The following GALNT13 variants were observed in gnomAD, a reference collection of about 807,000 sequenced individuals.
GALNT13 encodes UDP-GalNAc:polypeptide N-acetylgalactosaminyltransferase 13.
Under a neutral mutation model 64.2 loss-of-function variants are expected in GALNT13, and 28 were observed. That is an observed-to-expected ratio of 0.44 (90% CI 0.32 to 0.60). The LOEUF (loss-of-function observed/expected upper bound fraction) is 0.60, where lower values mean the gene tolerates loss of function less well. GALNT13 is among the 20% of genes least tolerant of loss of function. GALNT13 has a pLI of 0.05. For synonymous variants in GALNT13, 214 were observed against 224.6 expected, an observed-to-expected ratio of 0.95 and a Z score of 0.42; for missense variants, 577 against 669.8, an observed-to-expected ratio of 0.86 and a Z score of 1.53.
At chr2:153,226,125 G>C in the GALNT13 span, among the ~76,000 whole-genome samples, 1 of 151,814 alleles carries the variant, frequency 6.6e-6, no homozygotes, top group Non-Finnish European at 1.5e-5. Context: ...GTAGAGATGG[G>C]GTTTCACCAT....
chr2:153,869,770 TCCTTGAAATATGGCATTATAGTTTCTC>T (rs1203620958), upstream of GALNT13, among the ~76,000 whole-genome samples: 1 of 152,154 alleles, frequency 6.6e-6, no homozygotes, highest in Non-Finnish European at 1.5e-5. Flanking sequence ...GTATGCATTC[TCCTTGAAATATGGCATTATAGTTTCTC>T]CCATCAAGAC....
chr2:153,573,242 C>G, the GALNT13 span, among the ~76,000 whole-genome samples: 14 of 151,834 alleles, frequency 9.2e-5, no homozygotes, highest in Non-Finnish European at 1.9e-4. Flanking sequence ...ACTAATTTGT[C>G]TTATATAAGT....
chr2:153,480,394 G>A, the GALNT13 span, among the ~76,000 whole-genome samples: 4 of 152,088 alleles, frequency 2.6e-5, no homozygotes, highest in African/African-American at 7.2e-5. Context: ...GCTGCAATAA[G>A]TTTGATTTTT....
the GALNT13 span, among the ~76,000 whole-genome samples, chr2:153,212,839 C>A: frequency 6.6e-6 from 1 of 152,114 alleles, no homozygotes; most frequent in Admixed American, 6.5e-5. Context: ...AGAAATTACT[C>A]TTTGGCATTG....
At chr2:153,873,021 C>T (rs555792410) in intron 1 of GALNT13, among the ~76,000 whole-genome samples, 1 of 152,242 alleles carries the variant, frequency 6.6e-6, no homozygotes, top group African/African-American at 2.4e-5. Flanking sequence ...CCTTTTGTCT[C>T]TCCGTTTTGC....
At chr2:153,187,735 A>T in the GALNT13 span, among the ~76,000 whole-genome samples, 19 of 152,206 alleles carry the variant, frequency 1.2e-4, no homozygotes, top group Non-Finnish European at 2.1e-4. Context: ...CTACTCTTCT[A>T]TTCCTTTATC....
At position 154,242,917 on chromosome 2, in the gene GALNT13, T is replaced by C; in HGVS notation, c.686+12T>C. ...ATAAAGGAAGACAGGTAAGAATTTA[T>C]GTGTTCTGTCTGCCTGGGTTATGAC... On this transcript the variant is annotated intron_variant, in intron 6 of 12. Transcript: ENST00000392825. The C allele has an allele frequency of 1.2e-6, 2 of 1,609,706 alleles. No individual in the cohort carries two copies. Among genetic ancestry groups the C allele is most frequent in the Non-Finnish European group, 1.7e-6 (2 of 1,176,304 alleles).
chr2:154,140,393 C>T lies in GALNT13; in HGVS notation c.199C>T (p.Pro67Ser). The change falls in exon 4 of 13, where the codon CCT (proline) becomes TCT (serine). Residue 67 changes from proline (P) to serine (S), a missense_variant. By Grantham distance (74) the Pro-to-Ser change is moderately conservative. Transcript: ENST00000392825. ...AGAAATGGGAAAAGCTGTGTTGATT[C>T]CTAAAGATGACCAGGAGAAAATGAA... is the stretch of plus-strand genomic sequence containing the variant. ...PGEMGKAVLI[P>S]KDDQEKMKEL... 1 of 1,612,970 alleles carries T rather than the reference C, an allele frequency of 6.2e-7. No individual in the cohort carries two copies. Among genetic ancestry groups the T allele is most frequent in the Non-Finnish European group, 8.5e-7 (1 of 1,179,220 alleles).
At chr2:153,491,917 C>T in the GALNT13 span, among the ~76,000 whole-genome samples, 9 of 151,912 alleles carry the variant, frequency 5.9e-5, no homozygotes, top group African/African-American at 2.2e-4. Flanking sequence ...CATGCCCGGC[C>T]GTATTATCTT....
intron 8 of GALNT13, among the ~76,000 whole-genome samples, chr2:154,264,679 A>G (rs191371049): frequency 7.5e-4 from 114 of 151,974 alleles, no homozygotes; most frequent in Non-Finnish European, 1.4e-3. Context: ...AGAACAAGTA[A>G]AATTACCACT....
chr2:153,256,236 C>A, the GALNT13 span, among the ~76,000 whole-genome samples: 1 of 151,620 alleles, frequency 6.6e-6, no homozygotes, highest in African/African-American at 2.4e-5. Flanking sequence ...ATCGCTGATA[C>A]CCTTTCTTCC....
chr2:153,476,357 G>T, the GALNT13 span, among the ~76,000 whole-genome samples: 1 of 152,160 alleles, frequency 6.6e-6, no homozygotes, highest in Non-Finnish European at 1.5e-5. Flanking sequence ...CTGCCATTGT[G>T]AAGTCTTTGA....
chr2:154,318,777 G>C (rs1044850919), intron 9 of GALNT13, among the ~76,000 whole-genome samples: 1 of 151,480 alleles, frequency 6.6e-6, no homozygotes, highest in African/African-American at 2.4e-5. Flanking sequence ...AACAGAAAAC[G>C]GCCAAGATTA....
the GALNT13 span, among the ~76,000 whole-genome samples, chr2:153,128,010 C>A: frequency 5.3e-5 from 8 of 152,050 alleles, no homozygotes; most frequent in Admixed American, 1.3e-4. Context: ...GGGGAGTAAA[C>A]TTTTTGTAGA....
the GALNT13 span, among the ~76,000 whole-genome samples, chr2:153,246,029 C>G: frequency 6.6e-6 from 1 of 151,000 alleles, no homozygotes; most frequent in South Asian, 2.1e-4. Context: ...CTTAATTGAT[C>G]AAGCAGAAGA....
the GALNT13 span, among the ~76,000 whole-genome samples, chr2:153,473,127 G>A: frequency 6.6e-6 from 1 of 151,890 alleles, no homozygotes; most frequent in Non-Finnish European, 1.5e-5. Context: ...GGCAGTACGT[G>A]TATACCTATG....
intron 4 of GALNT13, among the ~76,000 whole-genome samples, chr2:154,154,065 G>T (rs1684248410): frequency 1.3e-5 from 2 of 152,074 alleles, no homozygotes; most frequent in Non-Finnish European, 2.9e-5. Context: ...TTCCTATTCG[G>T]CCATCTTGGC....
intron 4 of GALNT13, among the ~76,000 whole-genome samples, chr2:154,210,050 T>C (rs1009159801): frequency 6.6e-6 from 1 of 152,196 alleles, no homozygotes; most frequent in Non-Finnish European, 1.5e-5. Flanking sequence ...CTCTCTGAGT[T>C]TGAATGTTTT....
At chr2:153,992,395 G>A (rs1466539119) in intron 3 of GALNT13, among the ~76,000 whole-genome samples, 3 of 152,124 alleles carry the variant, frequency 2.0e-5, no homozygotes, top group African/African-American at 4.8e-5. Context: ...AAAAGTGAAT[G>A]TTAGGAATCT....
Sources: allele counts gnomAD v4.1 joint callset (sites outside exome capture counted in the v4.1 genomes callset), GRCh38; gene constraint gnomAD v4.1.1; transcripts MANE v1.5; gene names NCBI Gene and HGNC (gene_info 2026-07-23, HGNC 2026-07-21).